ZPLD1: variants seen among roughly 807,000 people sequenced by gnomAD.
ZPLD1 encodes zona pellucida-like domain-containing protein 1.
In ZPLD1, 34 loss-of-function variants were observed where a neutral mutation model predicts 47.2. That is an observed-to-expected ratio of 0.72 (90% CI 0.55 to 0.96). The LOEUF (loss-of-function observed/expected upper bound fraction) is 0.96. Among genes scored for constraint, ZPLD1 ranks in the 40% least tolerant of loss-of-function variants. ZPLD1 has a pLI of 0.00. For synonymous variants in ZPLD1, 176 were observed against 186.2 expected, an observed-to-expected ratio of 0.95 and a Z score of 0.45; for missense variants, 512 against 505.8, an observed-to-expected ratio of 1.01 and a Z score of -0.12.
At chr3:102,441,497 C>A (rs1466209118) in intron 3 of ZPLD1, among the ~76,000 whole-genome samples, 1 of 152,062 alleles carries the variant, frequency 6.6e-6, no homozygotes, top group East Asian at 1.9e-4. Context: ...ATAGTGTATT[C>A]TATCATTTTC....
At chr3:102,472,228 C>G (rs1707695987) in intron 10 of ZPLD1, among the ~76,000 whole-genome samples, 1 of 152,060 alleles carries the variant, frequency 6.6e-6, no homozygotes, top group African/African-American at 2.4e-5. Context: ...TGTGCTTTGA[C>G]CGGCTTAAAA....
At chr3:102,419,231 T>A (rs1161426798) in intron 8 of ZPLD1, among the ~76,000 whole-genome samples, 1 of 151,982 alleles carries the variant, frequency 6.6e-6, no homozygotes, top group Non-Finnish European at 1.5e-5. Flanking sequence ...TATTATTTCA[T>A]TTTTCAGTCA....
chr3:102,404,231 G>T (rs1372272144), intron 7 of ZPLD1, among the ~76,000 whole-genome samples: 4 of 151,860 alleles, frequency 2.6e-5, no homozygotes, highest in African/African-American at 9.7e-5. Flanking sequence ...TAAACTCATT[G>T]GATATGCGTG....
intron 10 of ZPLD1, among the ~76,000 whole-genome samples, chr3:102,475,085 T>C (rs1412454909): frequency 6.6e-6 from 1 of 151,960 alleles, no homozygotes; most frequent in Non-Finnish European, 1.5e-5. Context: ...CACTGTCAAA[T>C]ACAATTCCAA....
At chr3:102,425,192 T>C (rs1706929038) in intron 8 of ZPLD1, among the ~76,000 whole-genome samples, 1 of 152,166 alleles carries the variant, frequency 6.6e-6, no homozygotes, top group African/African-American at 2.4e-5. Flanking sequence ...TAGACCAAAC[T>C]AAACAGCTAT....
upstream of ZPLD1, among the ~76,000 whole-genome samples, chr3:102,433,277 A>C (rs995710897): frequency 3.3e-5 from 5 of 152,164 alleles, no homozygotes; most frequent in Non-Finnish European, 4.4e-5. Context: ...GCCACATAAT[A>C]GTTGAGGGTT....
At position 102,457,767 on chromosome 3, in the gene ZPLD1, TA is replaced by T. The variant is rs1707440614; in HGVS notation, c.510-11del. 10 of 1,613,476 alleles carry T rather than the reference TA, an allele frequency of 6.2e-6. No homozygotes were observed. Among genetic ancestry groups the T allele is most frequent in the Non-Finnish European group, 8.5e-6 (10 of 1,179,666 alleles). On this transcript the variant is annotated splice_polypyrimidine_tract_variant and intron_variant, in intron 5 of 11. Coordinates refer to ENST00000466937, the MANE Select transcript of ZPLD1 (RefSeq NM_001329788.2). ...AATCTCATCAGTGCTTTCCTTTTTC[TA>T]AATGTGTTTTAGGTCCTCAGCGGCT...
chr3:102,393,467 A>G (rs1294158308), intron 7 of ZPLD1, among the ~76,000 whole-genome samples: 1 of 152,144 alleles, frequency 6.6e-6, no homozygotes, highest in Non-Finnish European at 1.5e-5. Flanking sequence ...GTATTTTGGT[A>G]TAATTGTGTT....
chr3:102,469,566 C>T (rs533446089), intron 9 of ZPLD1, among the ~76,000 whole-genome samples: 5 of 152,268 alleles, frequency 3.3e-5, no homozygotes, highest in Admixed American at 3.3e-4. Context: ...GAACCAAAAT[C>T]AAGAGTGTGA....
chr3:102,430,575 T>A (rs1341233089), upstream of ZPLD1, among the ~76,000 whole-genome samples: 1 of 152,112 alleles, frequency 6.6e-6, no homozygotes, highest in Non-Finnish European at 1.5e-5. Flanking sequence ...TTAACAGAAA[T>A]CTCAAAGAGA....
intron 7 of ZPLD1, among the ~76,000 whole-genome samples, chr3:102,399,527 C>A (rs1706595558): frequency 6.6e-6 from 1 of 150,716 alleles, no homozygotes; most frequent in Non-Finnish European, 1.5e-5. Flanking sequence ...TCCTAGTTTG[C>A]TAGTTCTCGG....
At chr3:102,407,129 C>G (rs999132114) in intron 7 of ZPLD1, among the ~76,000 whole-genome samples, 3 of 151,406 alleles carry the variant, frequency 2.0e-5, no homozygotes, top group Admixed American at 2.0e-4. Context: ...ATTATTAAAG[C>G]ATACTCTTAA....
chr3:102,435,874 C>T (rs1440866324), intron 1 of ZPLD1, among the ~76,000 whole-genome samples: 3 of 152,092 alleles, frequency 2.0e-5, no homozygotes, highest in Admixed American at 1.3e-4. Context: ...GATCTCCTGA[C>T]CTCATGATCC....
chr3:102,444,934 A>G (rs934335827), intron 3 of ZPLD1, among the ~76,000 whole-genome samples: 14 of 151,844 alleles, frequency 9.2e-5, no homozygotes, highest in Admixed American at 2.0e-4. Context: ...TAGCCACTCT[A>G]CCCCCGTCCT....
chr3:102,395,052 T>G (rs1276984044), intron 7 of ZPLD1, among the ~76,000 whole-genome samples: 1 of 152,070 alleles, frequency 6.6e-6, no homozygotes, highest in Non-Finnish European at 1.5e-5. Flanking sequence ...AGTGGGGTAG[T>G]AGAAGGAGGG....
At chr3:102,420,237 G>A (rs1489536846) in intron 8 of ZPLD1, among the ~76,000 whole-genome samples, 1 of 151,878 alleles carries the variant, frequency 6.6e-6, no homozygotes, top group East Asian at 1.9e-4. Flanking sequence ...TATTGCTAAT[G>A]GAAAATGGCC....
chr3:102,421,844 C>A (rs1004937344), intron 8 of ZPLD1, among the ~76,000 whole-genome samples: 7 of 151,678 alleles, frequency 4.6e-5, no homozygotes, highest in African/African-American at 1.5e-4. Context: ...TAAATTCAAG[C>A]AATTTTTATT....
chr3:102,447,060 T>C (rs1707266423), intron 3 of ZPLD1, among the ~76,000 whole-genome samples: 1 of 152,150 alleles, frequency 6.6e-6, no homozygotes, highest in Non-Finnish European at 1.5e-5. Flanking sequence ...TTGATTCTTG[T>C]GCATCTCATC....
chr3:102,434,495 A>T (rs1707056892), upstream of ZPLD1, among the ~76,000 whole-genome samples: 1 of 152,154 alleles, frequency 6.6e-6, no homozygotes, highest in Non-Finnish European at 1.5e-5. Context: ...AGTTTATGAG[A>T]TACAGATGTC....
Sources: allele counts gnomAD v4.1 joint callset (sites outside exome capture counted in the v4.1 genomes callset), GRCh38; gene constraint gnomAD v4.1.1; transcripts MANE v1.5; gene names NCBI Gene and HGNC (gene_info 2026-07-23, HGNC 2026-07-21).